The following ACER1 variants were observed in gnomAD, a reference collection of about 807,000 sequenced individuals.
ACER1 encodes alkaline ceramidase 1.
A neutral mutation model predicts 24.9 loss-of-function variants in ACER1; 28 were observed. The observed-to-expected ratio is 1.13, with a 90% CI of 0.83 to 1.54. ACER1 has a LOEUF of 1.54. Ranked by LOEUF, ACER1 falls within the 40% of genes most tolerant of loss-of-function variation. The pLI, the probability that ACER1 is intolerant of heterozygous loss-of-function variation, is 0.00. For synonymous variants in ACER1, 132 were observed against 131.4 expected (o/e 1.00, Z -0.03); for missense variants, 352 against 349.3 (o/e 1.01, Z -0.06).
In ACER1 at chr19:6,307,262, T is replaced by G; in HGVS notation, c.517A>C (p.Ile173Leu). The stretch of plus-strand genomic sequence containing the variant: ...GCCCATAAAACCACGGAGACCTCAA[T>G]CAGGTGCCGAAGCTCCTTATTGCTG... ...KTSNKELRHL[I>L]EVSVVLWAVA... The change falls in exon 5 of 6, where the codon ATT (isoleucine) becomes CTT (leucine). Residue 173 changes from isoleucine (I) to leucine (L), a missense_variant. Physicochemically the swap from Ile to Leu is conservative, Grantham distance 5. Transcript: ENST00000301452. 4 of 1,613,926 alleles carry G rather than the reference T, an allele frequency of 2.5e-6. No homozygotes were observed. Among genetic ancestry groups the G allele is most frequent in the Non-Finnish European group, 3.4e-6 (4 of 1,179,986 alleles).
chr19:6,358,937 A>AAAAAAAAAAG, the ACER1 span, among the ~76,000 whole-genome samples: 1 of 150,816 alleles, frequency 6.6e-6, no homozygotes, highest in East Asian at 1.9e-4. Flanking sequence ...CTGTCTCAAA[A>AAAAAAAAAAG]AAAAAAAAAA....
intron 3 of ACER1, among the ~76,000 whole-genome samples, chr19:6,311,823 C>T (rs945717688): frequency 2.6e-5 from 4 of 151,398 alleles, no homozygotes; most frequent in South Asian, 2.1e-4. Context: ...GTGAGAGGCT[C>T]GGGGAGGAGT....
upstream of ACER1, among the ~76,000 whole-genome samples, chr19:6,336,749 G>A (rs1189278251): frequency 1.3e-5 from 2 of 150,724 alleles, no homozygotes; most frequent in African/African-American, 4.9e-5. Flanking sequence ...GAACCTGGGA[G>A]GTGGAGGTAG....
the ACER1 span, among the ~76,000 whole-genome samples, chr19:6,339,002 C>T: frequency 3.9e-5 from 6 of 151,968 alleles, no homozygotes; most frequent in East Asian, 1.9e-4. Context: ...TTCAGCCTCC[C>T]GATAGCTGGG....
At chr19:6,332,883 G>A (rs190366314) in intron 1 of ACER1, among the ~76,000 whole-genome samples, 5 of 152,122 alleles carry the variant, frequency 3.3e-5, no homozygotes, top group Admixed American at 6.6e-5. Flanking sequence ...TGCCCAGGGC[G>A]ATCTCCAACT....
chr19:6,340,526 G>A, the ACER1 span, among the ~76,000 whole-genome samples: 31 of 152,222 alleles, frequency 2.0e-4, no homozygotes, highest in African/African-American at 6.5e-4. Flanking sequence ...CCCCAGTAGC[G>A]ACCCTGACTC....
chr19:6,322,130 T>C (rs1327909974), intron 1 of ACER1, among the ~76,000 whole-genome samples: 2 of 152,192 alleles, frequency 1.3e-5, no homozygotes, highest in Admixed American at 1.3e-4. Context: ...GGGAGTATCA[T>C]GGGCTAGATC....
the ACER1 span, among the ~76,000 whole-genome samples, chr19:6,358,626 CAA>C: frequency 0.035 from 3,314 of 95,562 alleles, 132 homozygotes; most frequent in African/African-American, 0.12. Context: ...GACTCCATCT[CAA>C]AAAAAAAAAA....
At chr19:6,347,132 A>ATATATATATATATATG in the ACER1 span, among the ~76,000 whole-genome samples, 72 of 118,076 alleles carry the variant, frequency 6.1e-4, no homozygotes, top group African/African-American at 2.2e-3. Context: ...ATATATATAT[A>ATATATATATATATATG]AAATAATAAT....
chr19:6,356,144 T>C, the ACER1 span, among the ~76,000 whole-genome samples: 5 of 151,054 alleles, frequency 3.3e-5, 2 homozygotes, highest in African/African-American at 1.2e-4. Flanking sequence ...TTCTTCTGCC[T>C]TGGGATCCTG....
upstream of ACER1, among the ~76,000 whole-genome samples, chr19:6,335,276 GTGCAGTGGCATGATCTTGGCTCAC>G: frequency 7.1e-6 from 1 of 140,270 alleles, no homozygotes; most frequent in Admixed American, 7.5e-5. Flanking sequence ...CCAGGCTGGA[GTGCAGTGGCATGATCTTGGCTCAC>G]TGCAACCTCC....
the ACER1 span, among the ~76,000 whole-genome samples, chr19:6,341,410 A>G: frequency 7.9e-5 from 12 of 151,096 alleles, no homozygotes; most frequent in Non-Finnish European, 3.0e-5. Flanking sequence ...GTGTGGTCTT[A>G]ACTTCTCAGG....
the ACER1 span, among the ~76,000 whole-genome samples, chr19:6,355,910 G>A: frequency 2.0e-5 from 3 of 150,218 alleles, no homozygotes; most frequent in Non-Finnish European, 3.0e-5. Context: ...GCCTCTGCCC[G>A]GCCACCCCTA....
chr19:6,324,352 A>G (rs1002258151), intron 1 of ACER1, among the ~76,000 whole-genome samples: 1 of 136,024 alleles, frequency 7.4e-6, no homozygotes, highest in African/African-American at 2.7e-5. Flanking sequence ...CCTCTTTTTA[A>G]TTTTTTTTTA....
the ACER1 span, among the ~76,000 whole-genome samples, chr19:6,340,092 T>G: frequency 6.6e-6 from 1 of 151,444 alleles, no homozygotes; most frequent in East Asian, 2.0e-4. Context: ...CTGGCCAACA[T>G]GGTGAGACAC....
intron 1 of ACER1, among the ~76,000 whole-genome samples, chr19:6,331,282 T>C (rs979679682): frequency 6.8e-6 from 1 of 148,114 alleles, no homozygotes; most frequent in Non-Finnish European, 1.5e-5. Flanking sequence ...CCTGAGTAGC[T>C]GGGACTACAG....
chr19:6,324,681 C>T (rs1296653630), intron 1 of ACER1, among the ~76,000 whole-genome samples: 6 of 151,620 alleles, frequency 4.0e-5, no homozygotes, highest in Admixed American at 6.6e-5. Flanking sequence ...AGGAGAATTT[C>T]TTGAACCCGG....
the ACER1 span, among the ~76,000 whole-genome samples, chr19:6,342,866 CTCCCGAGA>C: frequency 3.3e-5 from 5 of 152,156 alleles, no homozygotes; most frequent in African/African-American, 1.2e-4. Flanking sequence ...CAACCTCCAC[CTCCCGAGA>C]TCAAGTGATT....
chr19:6,349,848 G>A, the ACER1 span, among the ~76,000 whole-genome samples: 1 of 152,018 alleles, frequency 6.6e-6, no homozygotes, highest in Non-Finnish European at 1.5e-5. Flanking sequence ...GGGGATCTGG[G>A]GGCTGGGCAT....
Sources: gnomAD v4.1 joint callset for allele counts (sites outside exome capture counted in the v4.1 genomes callset) on GRCh38, gnomAD v4.1.1 for gene constraint, MANE v1.5 for transcripts, NCBI Gene and HGNC (gene_info 2026-07-23, HGNC 2026-07-21) for gene names.